The following CSMD1 variants were observed in gnomAD, a reference collection of about 807,000 sequenced individuals.
The protein encoded by CSMD1 is CUB and Sushi multiple domains 1.
A neutral mutation model predicts 417.5 loss-of-function variants in CSMD1; 213 were observed. That is an observed-to-expected ratio of 0.51 (90% CI 0.46 to 0.57). CSMD1 has a LOEUF of 0.57. Ranked by LOEUF, CSMD1 falls within the 20% of genes least tolerant of loss-of-function variation. The pLI is 0.00. For synonymous variants in CSMD1, 2,862 were observed against 1,736.8 expected, an observed-to-expected ratio of 1.65 and a Z score of -16.11; for missense variants, 6,923 against 4,529.7, an observed-to-expected ratio of 1.53 and a Z score of -15.17.
chr8:4,292,814 A>T (rs1383718315), intron 3 of CSMD1, among the ~76,000 whole-genome samples: 1 of 152,194 alleles, frequency 6.6e-6, no homozygotes, highest in African/African-American at 2.4e-5. Context: ...TACATAAAAG[A>T]TTTACCTAAG....
intron 7 of CSMD1, among the ~76,000 whole-genome samples, chr8:3,634,865 G>T (rs917063347): frequency 2.0e-5 from 3 of 152,078 alleles, no homozygotes; most frequent in Non-Finnish European, 4.4e-5. Flanking sequence ...CTGTGCACTT[G>T]CCCAATCCTA....
intron 2 of CSMD1, among the ~76,000 whole-genome samples, chr8:4,630,794 T>G (rs1415197750): frequency 2.0e-5 from 3 of 152,056 alleles, no homozygotes; most frequent in Non-Finnish European, 4.4e-5. Flanking sequence ...TCATCTGTGC[T>G]CCAGTTAAGA....
chr8:3,630,632 G>A (rs1796735129), intron 7 of CSMD1, among the ~76,000 whole-genome samples: 1 of 152,192 alleles, frequency 6.6e-6, no homozygotes, highest in Non-Finnish European at 1.5e-5. Flanking sequence ...CTGAGTGAGG[G>A]TTGAAGGGCA....
chr8:4,942,081 C>T (rs1216825491), intron 1 of CSMD1, among the ~76,000 whole-genome samples: 9 of 152,172 alleles, frequency 5.9e-5, no homozygotes, highest in African/African-American at 1.7e-4. Context: ...TCTTCACTTC[C>T]TATTTTTACA....
In CSMD1 at chr8:3,174,817, T is replaced by C. The variant is rs540845358; in HGVS notation, c.5725+6293A>G. Reference sequence around the variant, plus strand: ...ATTTTTTCCATTAAATTTTTTTTTATTGTACACACTTTTTTTATGTTGCAT... The same window carrying C: ...ATTTTTTCCATTAAATTTTTTTTTACTGTACACACTTTTTTTATGTTGCAT... On this transcript the variant is annotated intron_variant, in intron 37 of 69. Transcript: ENST00000635120. 8.4e-4 allele frequency among the ~76,000 whole-genome samples: 128 copies of C among 152,292 alleles called. No homozygotes were observed. The East Asian group carries it at 0.01, about 12-fold the overall frequency.
chr8:3,492,442 C>T (rs1166173137), intron 11 of CSMD1, among the ~76,000 whole-genome samples: 2 of 152,196 alleles, frequency 1.3e-5, no homozygotes, highest in Non-Finnish European at 2.9e-5. Flanking sequence ...AGGTGAACAC[C>T]TGCAGAACAC....
chr8:4,768,356 G>C (rs1007939178), intron 1 of CSMD1, among the ~76,000 whole-genome samples: 3 of 152,036 alleles, frequency 2.0e-5, no homozygotes, highest in Non-Finnish European at 4.4e-5. Flanking sequence ...AGGAAGACAA[G>C]TCCATCAAAG....
At position 3,748,460 on chromosome 8, in the gene CSMD1, G is replaced by T. The variant is rs534515634; in HGVS notation, c.931+5470C>A. Among the ~76,000 whole-genome samples, 3 of 152,170 alleles carry T rather than the reference G, an allele frequency of 2.0e-5. No homozygotes were observed. In the South Asian group the frequency reaches 6.2e-4, roughly 32 times the overall value. ...TAGACACTCTGCAGAGCAGTGGTCC[G>T]TGGAACCTTGAGGGGAATAGGAGCA... is the stretch of plus-strand genomic sequence containing the variant. On this transcript the variant is annotated intron_variant, in intron 6 of 69. Transcript: ENST00000635120.
chr8:3,164,908 T>G (rs1820115703), intron 37 of CSMD1, among the ~76,000 whole-genome samples: 1 of 152,120 alleles, frequency 6.6e-6, no homozygotes, highest in Admixed American at 6.5e-5. Context: ...TATTACATAT[T>G]GATTTATTGT....
At chr8:3,802,473 T>C (rs1384496230) in intron 5 of CSMD1, among the ~76,000 whole-genome samples, 3 of 152,208 alleles carry the variant, frequency 2.0e-5, no homozygotes, top group Non-Finnish European at 4.4e-5. Flanking sequence ...TACATAAGTA[T>C]CAACTTCATT....
At chr8:4,111,538 G>C (rs13268079) in intron 3 of CSMD1, among the ~76,000 whole-genome samples, 19,123 of 152,172 alleles carry the variant, frequency 0.13, 1,434 homozygotes, top group South Asian at 0.34. Flanking sequence ...ATCACTGATA[G>C]ACTGGATAAA....
intron 5 of CSMD1, among the ~76,000 whole-genome samples, chr8:3,802,306 T>C (rs747352999): frequency 5.9e-5 from 9 of 152,190 alleles, no homozygotes; most frequent in Middle Eastern, 3.2e-3. Flanking sequence ...TAAAATACTA[T>C]TGCCATTTAT....
rs574317538 is a variant in CSMD1 at position 3,913,861 on chromosome 8, G to GTA, written c.818+84040_818+84041dup. 4.2e-4 allele frequency among the ~76,000 whole-genome samples: 64 copies of GTA among 151,874 alleles called. 1 individual carries two copies. The East Asian group carries it at 0.012, about 29-fold the overall frequency. ...TAATCACCTTGACTTTCCTGTGTGT[G>GTA]TATATATAATTTATGATTACCTCGA... On this transcript the variant is annotated intron_variant, in intron 5 of 69. Coordinates refer to ENST00000635120, the MANE Select transcript of CSMD1 (RefSeq NM_033225.6).
intron 2 of CSMD1, among the ~76,000 whole-genome samples, chr8:4,615,936 T>A (rs1801449535): frequency 6.6e-6 from 1 of 152,204 alleles, no homozygotes; most frequent in Non-Finnish European, 1.5e-5. Context: ...CTTTCAAAAC[T>A]TAGATTAAGA....
At chr8:4,613,911 T>A (rs1032889043) in intron 2 of CSMD1, among the ~76,000 whole-genome samples, 1 of 151,666 alleles carries the variant, frequency 6.6e-6, no homozygotes, top group Non-Finnish European at 1.5e-5. Context: ...CTTCTGTACT[T>A]GAAATTTAGT....
At chr8:4,147,266 C>T (rs1416207572) in intron 3 of CSMD1, among the ~76,000 whole-genome samples, 2 of 152,176 alleles carry the variant, frequency 1.3e-5, no homozygotes, top group Non-Finnish European at 2.9e-5. Flanking sequence ...AGCGGCTCCT[C>T]CTCACCTGCG....
At chr8:4,091,805 G>A (rs910342007) in intron 3 of CSMD1, among the ~76,000 whole-genome samples, 4 of 152,236 alleles carry the variant, frequency 2.6e-5, no homozygotes, top group African/African-American at 9.6e-5. Context: ...TAAAATACTG[G>A]AAGAGGCCTT....
intron 5 of CSMD1, among the ~76,000 whole-genome samples, chr8:3,944,474 G>C (rs183887487): frequency 6.6e-6 from 1 of 151,956 alleles, no homozygotes; most frequent in Non-Finnish European, 1.5e-5. Context: ...TTCCCTGAAA[G>C]TTTTGATGTT....
chr8:3,970,742 C>G (rs548046808), intron 5 of CSMD1, among the ~76,000 whole-genome samples: 21 of 152,046 alleles, frequency 1.4e-4, no homozygotes, highest in African/African-American at 5.1e-4. Context: ...GGCATGGCAT[C>G]TTGTTTTTTG....
Sources: allele counts gnomAD v4.1 joint callset (sites outside exome capture counted in the v4.1 genomes callset), GRCh38; gene constraint gnomAD v4.1.1; transcripts MANE v1.5; gene names NCBI Gene and HGNC (gene_info 2026-07-23, HGNC 2026-07-21).